Variants in PIGU observed in about 807,000 individuals in gnomAD.
The protein encoded by PIGU is phosphatidylinositol glycan anchor biosynthesis class U.
Under a neutral mutation model 49.9 loss-of-function variants are expected in PIGU, and 24 were observed. That is an observed-to-expected ratio of 0.48 (90% confidence interval 0.35 to 0.68). The LOEUF is 0.68. PIGU is among the 30% of genes least tolerant of loss of function. PIGU has a pLI of 0.01. For synonymous variants in PIGU, 220 were observed against 205.7 expected (o/e 1.07, Z -0.59); for missense variants, 490 against 532.6 (o/e 0.92, Z 0.79).
intron 7 of PIGU, among the ~76,000 whole-genome samples, chr20:34,613,052 A>C (rs1226768584): frequency 6.6e-6 from 1 of 152,114 alleles, no homozygotes; most frequent in Non-Finnish European, 1.5e-5. Flanking sequence ...AGTTCATCTC[A>C]AACTCCTTCC....
chr20:34,607,446 G>A (rs1984658719), intron 7 of PIGU, among the ~76,000 whole-genome samples: 1 of 152,186 alleles, frequency 6.6e-6, no homozygotes, highest in Admixed American at 6.5e-5. Flanking sequence ...ACACCTTGAT[G>A]GCGGGACCTC....
chr20:34,668,493 G>A (rs1233147574), intron 1 of PIGU, among the ~76,000 whole-genome samples: 1 of 133,750 alleles, frequency 7.5e-6, no homozygotes, highest in Admixed American at 8.0e-5. Context: ...AGGGGGGGGC[G>A]GGCGTGCTGG....
In PIGU at chr20:34,650,700, C is replaced by CTTTTTT. The variant is rs59998699; in HGVS notation, c.196-5372_196-5367dup. Among the ~76,000 whole-genome samples, 80 of 38,794 alleles carry CTTTTTT rather than the reference C, an allele frequency of 2.1e-3. 16 individuals carry two copies. The highest frequency in any genetic ancestry group is 0.025 in the Middle Eastern group (1 of 40). 25.5% of individuals were successfully genotyped at this position (38,794 alleles called of 152,430 possible). On this transcript the variant is annotated intron_variant, in intron 2 of 11. Coordinates refer to ENST00000217446, the MANE Select transcript of PIGU (RefSeq NM_080476.5). ...AATTTTTTTCCTTTTCTTTTTTTCTCTTTTTTTTTTTTTTTTTTTTTTTTT... is the reference window on the plus strand; with the variant it reads ...AATTTTTTTCCTTTTCTTTTTTTCTCTTTTTTTTTTTTTTTTTTTTTTTTTTTTTTT...
intron 11 of PIGU, among the ~76,000 whole-genome samples, chr20:34,570,665 G>A (rs1003285053): frequency 2.0e-5 from 3 of 152,052 alleles, no homozygotes; most frequent in Non-Finnish European, 4.4e-5. Context: ...CCAAAGTGCT[G>A]GAATTACAGG....
chr20:34,661,889 A>G (rs1265193188), intron 1 of PIGU, among the ~76,000 whole-genome samples: 2 of 151,704 alleles, frequency 1.3e-5, no homozygotes, highest in East Asian at 3.9e-4. Context: ...TTATTTTTTG[A>G]CTTTTTAATA....
rs1491208512 is a variant in PIGU at position 34,640,499 on chromosome 20, G to GCGCA, written c.319-2515_319-2514insTGCG. Reference sequence around the variant, plus strand: ...AAATTATACACACATGTGCGCACGCGCACACACACACACACACACACACAC... The same window carrying GCGCA: ...AAATTATACACACATGTGCGCACGCGCGCACACACACACACACACACACACACAC... On this transcript the variant is annotated intron_variant, in intron 4 of 11. Coordinates refer to ENST00000217446, the MANE Select transcript of PIGU (RefSeq NM_080476.5). Among the ~76,000 whole-genome samples the GCGCA allele has an allele frequency of 3.0e-4, 5 of 16,498 alleles. No homozygotes were observed. In the East Asian group the frequency reaches 3.1e-3, roughly 10 times the overall value. 10.8% of individuals were successfully genotyped at this position (16,498 alleles called of 152,430 possible). A position where few individuals can be genotyped will look rare whatever the true frequency, so the allele number is the denominator to read the frequency against.
chr20:34,666,409 A>G (rs1987091941), intron 1 of PIGU, among the ~76,000 whole-genome samples: 1 of 152,146 alleles, frequency 6.6e-6, no homozygotes, highest in African/African-American at 2.4e-5. Context: ...AACAACTAAT[A>G]TAAGAGCTAA....
intron 2 of PIGU, among the ~76,000 whole-genome samples, chr20:34,653,534 G>A (rs1282244357): frequency 6.6e-6 from 1 of 151,918 alleles, no homozygotes; most frequent in African/African-American, 2.4e-5. Flanking sequence ...CTAACTTATT[G>A]TCTGTTTCTC....
Position 34,654,920 on chromosome 20 carries a change from G to A in PIGU, c.195+2260C>T, listed in dbSNP as rs189767828. Among the ~76,000 whole-genome samples, 3 of 114,586 alleles carry A rather than the reference G, an allele frequency of 2.6e-5. 1 individual carries two copies. The highest frequency in any genetic ancestry group is 5.5e-5 in the Non-Finnish European group (3 of 54,660). 75.2% of individuals were successfully genotyped at this position (114,586 alleles called of 152,430 possible). ...CTCGGGAGGCTGAGGCAGAGGAGTC[G>A]CTTGAACCCGGGAGGCAGAGGTTGC... On this transcript the variant is annotated intron_variant, in intron 2 of 11. Coordinates refer to ENST00000217446, the MANE Select transcript of PIGU (RefSeq NM_080476.5).
At chr20:34,673,968 G>A (rs570388203) in intron 1 of PIGU, among the ~76,000 whole-genome samples, 1 of 152,180 alleles carries the variant, frequency 6.6e-6, no homozygotes, top group Non-Finnish European at 1.5e-5. Context: ...CAGAAGAATC[G>A]CTTGAACCTG....
chr20:34,575,643 G>A (rs1309861544), intron 10 of PIGU, among the ~76,000 whole-genome samples: 1 of 152,084 alleles, frequency 6.6e-6, no homozygotes, highest in Non-Finnish European at 1.5e-5. Context: ...GGGATTATGG[G>A]TGGGAACCCC....
chr20:34,650,472 T>C (rs1006197075), intron 2 of PIGU, among the ~76,000 whole-genome samples: 22 of 152,042 alleles, frequency 1.4e-4, no homozygotes, highest in Admixed American at 8.5e-4. Flanking sequence ...GGTTTCACCA[T>C]GTTGGCCAGG....
At chr20:34,612,805 T>C (rs1984870422) in intron 7 of PIGU, among the ~76,000 whole-genome samples, 2 of 151,862 alleles carry the variant, frequency 1.3e-5, no homozygotes, top group African/African-American at 4.8e-5. Flanking sequence ...GTAGTTTTAG[T>C]AGAGACAAGG....
intron 4 of PIGU, among the ~76,000 whole-genome samples, chr20:34,639,211 C>A (rs985621401): frequency 1.3e-5 from 2 of 151,852 alleles, no homozygotes; most frequent in Admixed American, 1.3e-4. Flanking sequence ...ACCATCCTGG[C>A]TAACATGGTG....
intron 7 of PIGU, among the ~76,000 whole-genome samples, chr20:34,592,437 GAAAA>G (rs11475377): frequency 8.3e-6 from 1 of 120,420 alleles, no homozygotes; most frequent in African/African-American, 3.3e-5. Flanking sequence ...GAATAATTAA[GAAAA>G]AAAAAAAAAA....
chr20:34,671,665 A>T (rs1346466725), intron 1 of PIGU, among the ~76,000 whole-genome samples: 1 of 152,088 alleles, frequency 6.6e-6, no homozygotes, highest in Non-Finnish European at 1.5e-5. Flanking sequence ...TCACACCTGT[A>T]ATCCACCACT....
chr20:34,600,963 G>A (rs1984393881), intron 7 of PIGU, among the ~76,000 whole-genome samples: 1 of 152,058 alleles, frequency 6.6e-6, no homozygotes, highest in Admixed American at 6.6e-5. Context: ...GAACCCAGGA[G>A]GTGGAGGTTG....
chr20:34,560,749 TG>T lies in PIGU; in HGVS notation c.*116del. 1.5e-6 allele frequency: 1 copy of T among 688,142 alleles called. No homozygotes were observed. 42.6% of individuals were successfully genotyped at this position (688,142 alleles called of 1,614,324 possible). On this transcript the variant is annotated 3_prime_UTR_variant, in exon 12 of 12. Transcript: ENST00000217446. ...TTTTGGTACCAGAGACTTGTGACCC[TG>T]GACTCGAACCTCTTCTGCCCAAGCA...
intron 7 of PIGU, among the ~76,000 whole-genome samples, 178 bp from the exon 8 acceptor site, chr20:34,588,785 C>A (rs1983813747): frequency 6.6e-6 from 1 of 152,142 alleles, no homozygotes; most frequent in African/African-American, 2.4e-5. Flanking sequence ...ACGGGTGCAT[C>A]CTCTGACCTC....
Sources: gnomAD v4.1 joint callset for allele counts (sites outside exome capture counted in the v4.1 genomes callset) on GRCh38, gnomAD v4.1.1 for gene constraint, MANE v1.5 for transcripts, NCBI Gene and HGNC (gene_info 2026-07-23, HGNC 2026-07-21) for gene names.